Variants in RCAN2 observed in about 807,000 individuals in gnomAD.
RCAN2 encodes the protein calcipressin-2.
In RCAN2, 9 loss-of-function variants were observed where a neutral mutation model predicts 23.6. The ratio of observed to expected loss-of-function variants is 0.38; its 90% CI spans 0.23 to 0.67. The LOEUF is 0.67. Ranked by LOEUF, RCAN2 falls within the 30% of genes least tolerant of loss-of-function variation. The probability of loss-of-function intolerance (pLI) is 0.51; values close to 1 mark genes in which losing one functional copy is unlikely to be tolerated. For synonymous variants in RCAN2, 109 were observed against 115.7 expected (o/e 0.94, Z 0.37); for missense variants, 273 against 302.3 (o/e 0.90, Z 0.72).
At chr6:46,435,781 A>C (rs1767346217) in intron 2 of RCAN2, among the ~76,000 whole-genome samples, 1 of 152,228 alleles carries the variant, frequency 6.6e-6, no homozygotes, top group Non-Finnish European at 1.5e-5. Context: ...CTTTTCAGAA[A>C]ACTTCTAAGG....
rs1367985908 is a variant in RCAN2, at chr6:46,221,784, A to G, written c.*1357T>C. 1 of 395,940 alleles carries G rather than the reference A, an allele frequency of 2.5e-6. No homozygotes were observed. Among genetic ancestry groups the G allele is most frequent in the Non-Finnish European group, 4.4e-6 (1 of 224,774 alleles). The allele number at this position is 395,940 out of a possible 1,614,324, so 24.5% of individuals were successfully genotyped here. A position where few individuals can be genotyped will look rare whatever the true frequency, so the allele number is the denominator to read the frequency against. Reference sequence around the variant, plus strand: ...TCCATTGTAATCTGCGTTTGCATCTAAAGTAATTCATTAATGTACAGGAGT... The same window carrying G: ...TCCATTGTAATCTGCGTTTGCATCTGAAGTAATTCATTAATGTACAGGAGT... On this transcript the variant is annotated 3_prime_UTR_variant, in exon 5 of 5. Transcript: ENST00000371374.
At chr6:46,473,311 AATATCAAGAATGGC>A (rs1467351056) in intron 1 of RCAN2, among the ~76,000 whole-genome samples, 1 of 152,108 alleles carries the variant, frequency 6.6e-6, no homozygotes, top group Non-Finnish European at 1.5e-5. Context: ...ATAGCTTCTT[AATATCAAGAATGGC>A]ATCACACACA....
chr6:46,264,854 C>T (rs544081580), intron 2 of RCAN2, among the ~76,000 whole-genome samples: 3 of 152,180 alleles, frequency 2.0e-5, no homozygotes, highest in Admixed American at 2.0e-4. Context: ...GCCAAGTCCA[C>T]ACTAGGCCCC....
At chr6:46,408,113 C>A (rs1275953646) in intron 2 of RCAN2, among the ~76,000 whole-genome samples, 1 of 152,144 alleles carries the variant, frequency 6.6e-6, no homozygotes, top group Non-Finnish European at 1.5e-5. Context: ...CTTCTGGAAT[C>A]ACGAATATTT....
intron 2 of RCAN2, among the ~76,000 whole-genome samples, chr6:46,440,065 T>C (rs1301424728): frequency 6.6e-6 from 1 of 152,198 alleles, no homozygotes; most frequent in Non-Finnish European, 1.5e-5. Context: ...GCATCAGGCA[T>C]TGAAACTATA....
chr6:46,319,209 T>C (rs1236470809), intron 2 of RCAN2, among the ~76,000 whole-genome samples: 4 of 152,160 alleles, frequency 2.6e-5, no homozygotes, highest in Admixed American at 6.5e-5. Context: ...CCTAAACACA[T>C]AAAGTGATAA....
At chr6:46,351,770 T>C (rs1409561263) in intron 2 of RCAN2, among the ~76,000 whole-genome samples, 1 of 152,064 alleles carries the variant, frequency 6.6e-6, no homozygotes, top group Non-Finnish European at 1.5e-5. Flanking sequence ...CACAGACTGG[T>C]TTTGTTTATT....
intron 2 of RCAN2, among the ~76,000 whole-genome samples, chr6:46,272,723 A>C (rs922568458): frequency 2.0e-5 from 3 of 152,200 alleles, no homozygotes; most frequent in Admixed American, 6.5e-5. Flanking sequence ...GGAAAAAACA[A>C]ATGTTAAAAA....
chr6:46,491,664 T>C (rs1368225035), upstream of RCAN2, among the ~76,000 whole-genome samples: 2 of 149,698 alleles, frequency 1.3e-5, no homozygotes, highest in African/African-American at 2.4e-5. Flanking sequence ...CCGCACCCCC[T>C]CCTTTCCACT....
Position 46,222,090 on chromosome 6 carries a change from A to C in RCAN2, c.*1051T>G. The C allele has an allele frequency of 2.5e-6, 1 of 397,798 alleles. No individual in the cohort carries two copies. Among genetic ancestry groups the C allele is most frequent in the Non-Finnish European group, 4.4e-6 (1 of 225,428 alleles). 24.6% of individuals were successfully genotyped at this position (397,798 alleles called of 1,614,324 possible). ...TAAAAACAAGTGGTCTTGATAGCAAAGATGTTGGCTAATCATGTATATATT... is the reference window on the plus strand; with the variant it reads ...TAAAAACAAGTGGTCTTGATAGCAACGATGTTGGCTAATCATGTATATATT... On this transcript the variant is annotated 3_prime_UTR_variant, in exon 5 of 5. Coordinates refer to ENST00000371374, the MANE Select transcript of RCAN2 (RefSeq NM_001251974.2).
intron 2 of RCAN2, among the ~76,000 whole-genome samples, chr6:46,269,284 C>A (rs1351063142): frequency 6.6e-6 from 1 of 152,096 alleles, no homozygotes; most frequent in Non-Finnish European, 1.5e-5. Flanking sequence ...TTTTTCAGAT[C>A]ATTAACTTAT....
At chr6:46,267,622 C>T (rs192437761) in intron 2 of RCAN2, among the ~76,000 whole-genome samples, 1 of 152,214 alleles carries the variant, frequency 6.6e-6, no homozygotes, top group East Asian at 1.9e-4. Flanking sequence ...GAAGTTGAGG[C>T]TGAAATGAAC....
chr6:46,439,243 G>C (rs767890985), intron 2 of RCAN2, among the ~76,000 whole-genome samples: 79 of 152,296 alleles, frequency 5.2e-4, no homozygotes, highest in Non-Finnish European at 9.3e-4. Flanking sequence ...AAATGTACCT[G>C]ATGTAATACA....
At chr6:46,360,580 G>T (rs1431493341) in intron 2 of RCAN2, among the ~76,000 whole-genome samples, 1 of 134,632 alleles carries the variant, frequency 7.4e-6, no homozygotes, top group Non-Finnish European at 1.6e-5. Context: ...ATGTAGATAA[G>T]AGAGGGAGAC....
intron 2 of RCAN2, among the ~76,000 whole-genome samples, chr6:46,339,299 G>A (rs980628144): frequency 6.6e-6 from 1 of 152,018 alleles, no homozygotes; most frequent in Non-Finnish European, 1.5e-5. Context: ...AAATACAGTA[G>A]GAGCATAGGA....
At chr6:46,390,697 A>G (rs762961205) in intron 2 of RCAN2, among the ~76,000 whole-genome samples, 4 of 152,216 alleles carry the variant, frequency 2.6e-5, no homozygotes, top group Non-Finnish European at 5.9e-5. Flanking sequence ...AAGGAATGTC[A>G]TAAGTAGAGT....
At chr6:46,303,060 AT>A (rs1185530083) in intron 2 of RCAN2, among the ~76,000 whole-genome samples, 1 of 151,996 alleles carries the variant, frequency 6.6e-6, no homozygotes, top group Non-Finnish European at 1.5e-5. Context: ...TTCATGACCC[AT>A]ATGGTGGTGG....
chr6:46,440,079 T>C (rs1039865860), intron 2 of RCAN2, among the ~76,000 whole-genome samples: 2 of 152,216 alleles, frequency 1.3e-5, no homozygotes, highest in South Asian at 2.1e-4. Context: ...AACTATAGCA[T>C]CTTCCCATGA....
At chr6:46,462,380 T>G (rs1243004553) in intron 1 of RCAN2, among the ~76,000 whole-genome samples, 6 of 152,240 alleles carry the variant, frequency 3.9e-5, no homozygotes, top group Non-Finnish European at 7.3e-5. Context: ...TGACTCATTT[T>G]AATGAAGAAG....
Sources: allele counts gnomAD v4.1 joint callset (sites outside exome capture counted in the v4.1 genomes callset), GRCh38; gene constraint gnomAD v4.1.1; transcripts MANE v1.5; gene names NCBI Gene and HGNC (gene_info 2026-07-23, HGNC 2026-07-21).